The following FGFR1 variants were observed in gnomAD, a reference collection of about 807,000 sequenced individuals.
The protein encoded by FGFR1 is fibroblast growth factor receptor 1, also known as FGFR1/PLAG1 fusion.
In FGFR1, 18 loss-of-function variants were observed where a neutral mutation model predicts 93.7. That is an observed-to-expected ratio of 0.19 (90% CI 0.13 to 0.28). The LOEUF (loss-of-function observed/expected upper bound fraction) is 0.28. FGFR1 is among the 10% of genes least tolerant of loss of function. FGFR1 has a pLI of 1.00. For synonymous variants in FGFR1, 448 were observed against 429.3 expected (o/e 1.04, Z -0.54); for missense variants, 731 against 1,080.4 (o/e 0.68, Z 4.53).
intron 1 of FGFR1, among the ~76,000 whole-genome samples, chr8:38,464,866 C>T (rs559649678): frequency 6.6e-6 from 1 of 152,298 alleles, no homozygotes; most frequent in East Asian, 1.9e-4. Context: ...ACTTTAGAAA[C>T]GAAGGCAAGA....
At chr8:38,425,080 A>G (rs974316326) in intron 6 of FGFR1, among the ~76,000 whole-genome samples, 4 of 151,936 alleles carry the variant, frequency 2.6e-5, no homozygotes, top group African/African-American at 7.3e-5. Context: ...ATCCCCTAGG[A>G]GCTTGTTAGA....
chr8:38,422,593 G>T (rs1025423434), intron 7 of FGFR1, among the ~76,000 whole-genome samples: 1 of 152,102 alleles, frequency 6.6e-6, no homozygotes, highest in Non-Finnish European at 1.5e-5. Flanking sequence ...GTAGAGATGG[G>T]GTCTTGCTAT....
chr8:38,432,410 A>ATT lies in FGFR1; in HGVS notation c.92-2464_92-2463dup, dbSNP rs34918365. On this transcript the variant is annotated intron_variant, in intron 2 of 17. Coordinates refer to ENST00000447712, the MANE Select transcript of FGFR1 (RefSeq NM_023110.3). ...CTTTACCGGAACCATCTCGGGATAAATTTTTTTTTTTTTTTTTTTTGAGAT... is the reference window on the plus strand; with the variant it reads ...CTTTACCGGAACCATCTCGGGATAAATTTTTTTTTTTTTTTTTTTTTTGAGAT... Among the ~76,000 whole-genome samples, 671 of 135,906 alleles carry ATT rather than the reference A, an allele frequency of 4.9e-3. 4 individuals carry two copies. Among genetic ancestry groups the ATT allele is most frequent in the African/African-American group, 0.013 (487 of 36,608 alleles). The allele number at this position is 135,906 out of a possible 152,430, so 89.2% of individuals were successfully genotyped here. A position where few individuals can be genotyped will look rare whatever the true frequency, so the allele number is the denominator to read the frequency against.
chr8:38,418,444 G>C (rs1277181323), intron 9 of FGFR1, 71 bp from the exon 10 acceptor site: 54 of 1,535,798 alleles, frequency 3.5e-5, no homozygotes, highest in Non-Finnish European at 4.7e-5. Flanking sequence ...TTCTTAGTCA[G>C]GGCTTCCCAA....
chr8:38,454,592 T>C lies in FGFR1; in HGVS notation c.91+2764A>G, dbSNP rs1466592486. ...ATCTCCCAGTCCCCATCCTGGTCAG[T>C]ACCTGCACTTCCTCTAGCCAGACAC... On this transcript the variant is annotated intron_variant, in intron 2 of 17. Coordinates refer to ENST00000447712, the MANE Select transcript of FGFR1 (RefSeq NM_023110.3). Among the ~76,000 whole-genome samples the C allele has an allele frequency of 2.6e-5, 4 of 152,180 alleles. No individual in the cohort carries two copies. The East Asian group carries it at 7.7e-4, about 29-fold the overall frequency.
chr8:38,446,131 C>T (rs1829180686), intron 2 of FGFR1, among the ~76,000 whole-genome samples: 2 of 150,768 alleles, frequency 1.3e-5, no homozygotes, highest in South Asian at 4.2e-4. Flanking sequence ...TAGGGAAGCT[C>T]TTAGATCACT....
intron 12 of FGFR1, among the ~76,000 whole-genome samples, 184 bp from the exon 13 acceptor site, chr8:38,416,244 T>C (rs1816550454): frequency 1.3e-5 from 2 of 152,098 alleles, no homozygotes; most frequent in African/African-American, 4.8e-5. Flanking sequence ...ACTCCCAGCA[T>C]AGTCCAGAAA....
intron 1 of FGFR1, among the ~76,000 whole-genome samples, chr8:38,462,719 C>T (rs1407451584): frequency 6.6e-6 from 1 of 151,602 alleles, no homozygotes; most frequent in Non-Finnish European, 1.5e-5. Context: ...AAACGATTCT[C>T]CTGCCTCCCA....
intron 2 of FGFR1, among the ~76,000 whole-genome samples, chr8:38,452,301 T>C (rs1248673157): frequency 6.6e-6 from 1 of 152,104 alleles, no homozygotes; most frequent in Admixed American, 6.6e-5. Context: ...AACAGGGTTT[T>C]AGGTGGTTTG....
chr8:38,422,947 C>T (rs1337070066), intron 7 of FGFR1: 1 of 745,516 alleles, frequency 1.3e-6, no homozygotes, highest in East Asian at 2.5e-5. Context: ...CAGTCCAGTA[C>T]TGGCTTCCCC....
intron 2 of FGFR1, among the ~76,000 whole-genome samples, chr8:38,436,620 T>G (rs1014009051): frequency 6.6e-6 from 1 of 151,974 alleles, no homozygotes; most frequent in Admixed American, 6.6e-5. Flanking sequence ...TGACAAGGAT[T>G]CATACATCAA....
At chr8:38,455,177 T>C (rs1276936082) in intron 2 of FGFR1, among the ~76,000 whole-genome samples, 1 of 152,138 alleles carries the variant, frequency 6.6e-6, no homozygotes, top group African/African-American at 2.4e-5. Flanking sequence ...GGTCTCATCA[T>C]GTTGCCCAGG....
At chr8:38,420,867 T>C (rs567041725) in intron 8 of FGFR1, among the ~76,000 whole-genome samples, 1 of 152,314 alleles carries the variant, frequency 6.6e-6, no homozygotes, top group East Asian at 1.9e-4. Context: ...CAGGGAGAAG[T>C]GTTGCTGTTT....
At chr8:38,460,815 TCCTG>T (rs1834223188) in intron 1 of FGFR1, among the ~76,000 whole-genome samples, 1 of 152,190 alleles carries the variant, frequency 6.6e-6, no homozygotes, top group Admixed American at 6.5e-5. Context: ...CCCTGCCACC[TCCTG>T]CTTCACCTCA....
At chr8:38,440,947 T>C (rs1563561900) in intron 2 of FGFR1, among the ~76,000 whole-genome samples, 1 of 152,184 alleles carries the variant, frequency 6.6e-6, no homozygotes, top group Admixed American at 6.5e-5. Context: ...AGAGTTTTGT[T>C]TTGTTTTTAT....
chr8:38,428,854 G>A, intron 3 of FGFR1: 1 of 306,624 alleles, frequency 3.3e-6, no homozygotes, highest in South Asian at 3.1e-5. Flanking sequence ...TCCAAAGGAT[G>A]GGCTAAACAC....
chr8:38,412,526 ATCT>A lies in FGFR1; in HGVS notation c.*1099_*1101del, dbSNP rs1298075244. The A allele has an allele frequency of 8.6e-6, 2 of 232,238 alleles. No homozygotes were observed. Among genetic ancestry groups the A allele is most frequent in the East Asian group, 1.2e-4 (2 of 16,416 alleles). The allele number at this position is 232,238 out of a possible 1,614,324, so 14.4% of individuals were successfully genotyped here. ...TGGGGTTCCTGCCCTCGAAGCAGACATCTTCTTTTTCTGACTTTCCAAAAGCAG... is the reference window on the plus strand; with the variant it reads ...TGGGGTTCCTGCCCTCGAAGCAGACATCTTTTTCTGACTTTCCAAAAGCAG... On this transcript the variant is annotated 3_prime_UTR_variant, in exon 18 of 18. Transcript: ENST00000447712.
intron 1 of FGFR1, among the ~76,000 whole-genome samples, chr8:38,459,750 T>C (rs2151397436): frequency 6.6e-6 from 1 of 152,122 alleles, no homozygotes; most frequent in African/African-American, 2.4e-5. Flanking sequence ...GAGAACAGGG[T>C]GGGAGGAAGT....
At chr8:38,451,389 C>G (rs1831033267) in intron 2 of FGFR1, among the ~76,000 whole-genome samples, 1 of 152,044 alleles carries the variant, frequency 6.6e-6, no homozygotes, top group Non-Finnish European at 1.5e-5. Context: ...CTATTTGAGA[C>G]TCTCCCTGCA....
Sources: gnomAD v4.1 joint callset for allele counts (sites outside exome capture counted in the v4.1 genomes callset) on GRCh38, gnomAD v4.1.1 for gene constraint, MANE v1.5 for transcripts, NCBI Gene and HGNC (gene_info 2026-07-23, HGNC 2026-07-21) for gene names.